The following XPOT variants were observed in gnomAD, a reference collection of about 807,000 sequenced individuals.
XPOT encodes exportin for tRNA.
A neutral mutation model predicts 128.2 loss-of-function variants in XPOT; 34 were observed. The ratio of observed to expected loss-of-function variants is 0.27; its 90% CI spans 0.20 to 0.35. The LOEUF (loss-of-function observed/expected upper bound fraction) is 0.35. Among genes scored for constraint, XPOT ranks in the 10% least tolerant of loss-of-function variants. XPOT has a pLI of 1.00. For missense variants in XPOT, 838 were observed against 1,125.3 expected, an observed-to-expected ratio of 0.74 and a Z score of 3.65; for synonymous variants, 348 against 394.3, an observed-to-expected ratio of 0.88 and a Z score of 1.39.
rs1412329987 is a variant in XPOT at position 64,425,866 on chromosome 12, A to G, written c.1624A>G (p.Ser542Gly). ...GLRHSSAKVR[S>G]RTAYLFSRFV... is the part of the protein sequence containing the mutation. ...GCGGCATTCCAGTGCAAAAGTTCGGAGCAGGACGGCTTACCTGTTTTCTAG... is the reference window on the plus strand; with the variant it reads ...GCGGCATTCCAGTGCAAAAGTTCGGGGCAGGACGGCTTACCTGTTTTCTAG... The change falls in exon 15 of 25, where the codon AGC becomes GGC. Residue 542 changes from serine to glycine, a missense_variant. By Grantham distance (56) the Ser-to-Gly change is moderately conservative. This residue lies in a region of XPOT where 761 missense variants were observed against 988.3 expected (regional missense o/e 0.77). Coordinates refer to ENST00000332707, the MANE Select transcript of XPOT (RefSeq NM_007235.6). 1 of 1,614,166 alleles carries G rather than the reference A, an allele frequency of 6.2e-7. No individual in the cohort carries two copies. The highest frequency in any genetic ancestry group is 1.1e-5 in the South Asian group (1 of 91,084).
At chr12:64,423,439 TAAC>T (rs1208034239) in intron 11 of XPOT, among the ~76,000 whole-genome samples, 195 bp downstream of exon 11, 2 of 152,082 alleles carry the variant, frequency 1.3e-5, no homozygotes, top group African/African-American at 2.4e-5. Context: ...TTTTATCCAT[TAAC>T]AACCACCCCC....
intron 23 of XPOT, among the ~76,000 whole-genome samples, chr12:64,439,793 T>C (rs1384143349): frequency 1.3e-5 from 2 of 152,230 alleles, no homozygotes; most frequent in African/African-American, 4.8e-5. Flanking sequence ...TACCTTATAC[T>C]TTTAAGAAGT....
intron 23 of XPOT, 42 bp from the exon 24 acceptor site, chr12:64,445,033 A>G (rs750454702): frequency 2.6e-6 from 4 of 1,545,334 alleles, no homozygotes; most frequent in Non-Finnish European, 3.5e-6. Context: ...ATTTAATACA[A>G]ATACATTTGT....
chr12:64,430,184 A>G lies in XPOT; in HGVS notation c.1873A>G (p.Met625Val). Residue 625 changes from methionine (M) to valine (V), a missense_variant, in exon 17 of 25, where the codon ATG becomes GTG. Around this residue, in one of 3 missense-constraint regions of XPOT, gnomAD observed 761 missense variants for 988.3 expected, o/e 0.77. Transcript: ENST00000332707. Reference protein sequence around the residue: ...ALMRNLLTPLMEKFKILLEKL... With the variant: ...ALMRNLLTPLVEKFKILLEKL... ...AATGAGGAATCTGTTGACTCCACTAATGGAGAAGTTTAAAATTCTGTTAGA... is the reference window on the plus strand; with the variant it reads ...AATGAGGAATCTGTTGACTCCACTAGTGGAGAAGTTTAAAATTCTGTTAGA... 6.2e-7 allele frequency: 1 copy of G among 1,613,530 alleles called. No homozygotes were observed. Among genetic ancestry groups the G allele is most frequent in the Non-Finnish European group, 8.5e-7 (1 of 1,179,848 alleles).
chr12:64,441,764 A>G (rs980757154), intron 23 of XPOT, among the ~76,000 whole-genome samples: 1 of 152,026 alleles, frequency 6.6e-6, no homozygotes, highest in African/African-American at 2.4e-5. Context: ...GGCTCATTGC[A>G]TGCAACCTCC....
At chr12:64,416,793 G>A (rs1420007146) in intron 4 of XPOT, 39 bp downstream of exon 4, 3 of 1,534,490 alleles carry the variant, frequency 2.0e-6, no homozygotes, top group Non-Finnish European at 2.7e-6. Context: ...GATTTGCGGG[G>A]AGAGGTCATT....
At chr12:64,411,333 T>C (rs907756112) in intron 2 of XPOT, among the ~76,000 whole-genome samples, 3 of 152,224 alleles carry the variant, frequency 2.0e-5, no homozygotes, top group East Asian at 3.8e-4. Context: ...TTTGACTGTA[T>C]GTTTAGTTAT....
intron 2 of XPOT, among the ~76,000 whole-genome samples, chr12:64,410,757 A>G (rs1358444522): frequency 6.6e-6 from 1 of 152,234 alleles, no homozygotes. Context: ...GGATAAATGT[A>G]AACAATTAAA....
In XPOT at chr12:64,424,796, T is replaced by G. The variant is rs893875202; in HGVS notation, c.1307+73T>G. ...CTTTGATATGGGTCAAAATAAATGA[T>G]TCATATGACTTATTAATCCATGTTA... is the stretch of plus-strand genomic sequence containing the variant. On this transcript the variant is annotated intron_variant, in intron 12 of 24. Coordinates refer to ENST00000332707, the MANE Select transcript of XPOT (RefSeq NM_007235.6). 30 of 1,548,012 alleles carry G rather than the reference T, an allele frequency of 1.9e-5. No individual in the cohort carries two copies. In the African/African-American group the frequency reaches 4.1e-4, roughly 21 times the overall value.
chr12:64,439,375 G>A, intron 23 of XPOT, 60 bp downstream of exon 23: 1 of 1,457,032 alleles, frequency 6.9e-7, no homozygotes. Flanking sequence ...AGCATTGCCT[G>A]TGACATTGTC....
At position 64,429,297 on chromosome 12, in the gene XPOT, G is replaced by A. The variant is rs116692482; in HGVS notation, c.1738-752G>A. Reference sequence around the variant, plus strand: ...CAGAGCCCCTGGTCAATTGGATGGTGCCCGCCAACACTGAGGGCAGGTCTT... The same window carrying A: ...CAGAGCCCCTGGTCAATTGGATGGTACCCGCCAACACTGAGGGCAGGTCTT... On this transcript the variant is annotated intron_variant, in intron 16 of 24. Transcript: ENST00000332707. Among the ~76,000 whole-genome samples, 639 of 152,270 alleles carry A rather than the reference G, an allele frequency of 4.2e-3. 10 individuals are homozygous for A. Among genetic ancestry groups the A allele is most frequent in the African/African-American group, 0.015 (618 of 41,540 alleles).
chr12:64,423,554 A>G (rs1275323693), intron 11 of XPOT, among the ~76,000 whole-genome samples: 3 of 151,972 alleles, frequency 2.0e-5, no homozygotes, highest in Non-Finnish European at 4.4e-5. Context: ...CCTGGGTTCA[A>G]GTGATTCTTG....
In XPOT at chr12:64,425,791, TAGTAAA is replaced by T. The variant is rs1167540197; in HGVS notation, c.1573-20_1573-15del. On this transcript the variant is annotated intron_variant, in intron 14 of 24. Coordinates refer to ENST00000332707, the MANE Select transcript of XPOT (RefSeq NM_007235.6). Reference sequence around the variant, plus strand: ...CAAAACCCTTGAAAAAATGCAGAAATAGTAAAAGTGTCTCCTTCTTTAGATGGCTTT... The same window carrying T: ...CAAAACCCTTGAAAAAATGCAGAAATAGTGTCTCCTTCTTTAGATGGCTTT... The T allele has an allele frequency of 2.3e-5, 37 of 1,606,312 alleles. No homozygotes were observed. The highest frequency in any genetic ancestry group is 3.2e-5 in the Non-Finnish European group (37 of 1,174,316).
intron 5 of XPOT, among the ~76,000 whole-genome samples, 170 bp downstream of exon 5, chr12:64,418,285 T>C (rs1203455033): frequency 6.6e-6 from 1 of 152,238 alleles, no homozygotes; most frequent in Non-Finnish European, 1.5e-5. Context: ...AGTTTAGCAA[T>C]AATTTAATAT....
chr12:64,412,325 T>C (rs113664681), intron 2 of XPOT, among the ~76,000 whole-genome samples: 5 of 152,064 alleles, frequency 3.3e-5, no homozygotes, highest in African/African-American at 9.6e-5. Context: ...GCGCCCAGCC[T>C]CCTCCTTTTT....
chr12:64,433,652 G>A (rs973897939), intron 19 of XPOT, 49 bp downstream of exon 19: 1 of 1,501,756 alleles, frequency 6.7e-7, no homozygotes, highest in African/African-American at 1.4e-5. Context: ...CTGTGTCACT[G>A]TTGTACATCT....
intron 1 of XPOT, among the ~76,000 whole-genome samples, chr12:64,409,453 G>A (rs548018763): frequency 6.6e-6 from 1 of 152,206 alleles, no homozygotes; most frequent in South Asian, 2.1e-4. Flanking sequence ...AGATTTTTAG[G>A]GGCCAGGTGG....
chr12:64,412,096 T>C (rs2040043590), intron 2 of XPOT, among the ~76,000 whole-genome samples: 1 of 141,384 alleles, frequency 7.1e-6, no homozygotes, highest in South Asian at 2.2e-4. Flanking sequence ...CCATCTTGGC[T>C]CACAGCAACC....
chr12:64,425,701 C>T (rs1389077176), intron 14 of XPOT, 114 bp from the exon 15 acceptor site: 5 of 1,096,558 alleles, frequency 4.6e-6, no homozygotes, highest in Middle Eastern at 3.0e-4. Flanking sequence ...TATTCCTAGT[C>T]CCTGCCTTTT....
Sources: allele counts gnomAD v4.1 joint callset (sites outside exome capture counted in the v4.1 genomes callset), GRCh38; gene constraint gnomAD v4.1.1; regional missense constraint gnomAD v4.1.1; transcripts MANE v1.5; gene names NCBI Gene and HGNC (gene_info 2026-07-23, HGNC 2026-07-21).